The following HECW1 variants were observed in gnomAD, a reference collection of about 807,000 sequenced individuals.
The protein encoded by HECW1 is HECT, C2 and WW domain containing E3 ubiquitin protein ligase 1.
A neutral mutation model predicts 182.3 loss-of-function variants in HECW1; 61 were observed. That is an observed-to-expected ratio of 0.33 (90% CI 0.27 to 0.41). The LOEUF (loss-of-function observed/expected upper bound fraction) is 0.41, where lower values mean the gene tolerates loss of function less well. Among genes scored for constraint, HECW1 ranks in the 10% least tolerant of loss-of-function variants. The pLI is 1.00. For missense variants in HECW1, 1,739 were observed against 2,108.9 expected (o/e 0.82, Z 3.44); for synonymous variants, 859 against 832.6 (o/e 1.03, Z -0.55).
At chr7:43,479,842 G>T in intron 17 of HECW1, 98 bp downstream of exon 17, 1 of 1,446,996 alleles carries the variant, frequency 6.9e-7, no homozygotes, top group Non-Finnish European at 9.5e-7. Flanking sequence ...ATCTAGGGTT[G>T]CCTGCGCTGG....
chr7:43,317,550 A>C (rs1304461886), intron 4 of HECW1, among the ~76,000 whole-genome samples: 3 of 152,214 alleles, frequency 2.0e-5, no homozygotes, highest in Non-Finnish European at 4.4e-5. Context: ...GGATTTCTGC[A>C]GCTGACCCTG....
chr7:43,289,110 T>TC (rs965732688), intron 3 of HECW1, among the ~76,000 whole-genome samples: 2 of 150,980 alleles, frequency 1.3e-5, no homozygotes, highest in East Asian at 1.9e-4. Context: ...TCTTTTCTTT[T>TC]TTTTTTTTTT....
chr7:43,490,467 T>G (rs893203757), intron 17 of HECW1, among the ~76,000 whole-genome samples: 1 of 152,226 alleles, frequency 6.6e-6, no homozygotes, highest in African/African-American at 2.4e-5. Context: ...TAAAGCCTAT[T>G]TTAGCATACT....
chr7:43,501,183 C>CTTTTTTTTTTTTTTTTTTTTTTTTTT, intron 20 of HECW1, 30 bp from the exon 21 acceptor site: 1 of 744,856 alleles, frequency 1.3e-6, no homozygotes, highest in South Asian at 1.8e-5. Flanking sequence ...TCTTTTCTTT[C>CTTTTTTTTTTTTTTTTTTTTTTTTTT]TTTTTTTTTT....
intron 16 of HECW1, among the ~76,000 whole-genome samples, chr7:43,469,347 G>T (rs555253882): frequency 6.6e-6 from 1 of 152,170 alleles, no homozygotes; most frequent in South Asian, 2.1e-4. Flanking sequence ...GCTGCTAGAT[G>T]CCAACTGTTG....
intron 21 of HECW1, among the ~76,000 whole-genome samples, chr7:43,502,600 A>G (rs2079410766): frequency 6.6e-6 from 1 of 152,174 alleles, no homozygotes; most frequent in Non-Finnish European, 1.5e-5. Context: ...CAGAGGTTGC[A>G]GTGAACCGAG....
In HECW1 at chr7:43,355,062, G is replaced by T. The variant is rs374788708; in HGVS notation, c.461-5824G>T. 1.1e-4 allele frequency among the ~76,000 whole-genome samples: 17 copies of T among 149,094 alleles called. No homozygotes were observed. The South Asian group carries it at 1.9e-3, about 17-fold the overall frequency. ...AAAAAAACTGCCTCCCAGGAATTCC[G>T]TATCCAGCAAAGTTATCCTTCAAAT... On this transcript the variant is annotated intron_variant, in intron 5 of 29. Transcript: ENST00000395891.
chr7:43,450,687 A>AGCAAACT, intron 11 of HECW1, 141 bp from the exon 12 acceptor site: 2 of 623,472 alleles, frequency 3.2e-6, no homozygotes, highest in Admixed American at 5.5e-5. Context: ...CTGTGAATGT[A>AGCAAACT]GCAAACTGAC....
intron 11 of HECW1, among the ~76,000 whole-genome samples, chr7:43,447,179 T>G (rs1423759515): frequency 6.6e-6 from 1 of 151,898 alleles, no homozygotes; most frequent in Non-Finnish European, 1.5e-5. Flanking sequence ...TTTTTTTTTT[T>G]GTATTAAAAA....
chr7:43,209,359 G>T (rs1023818839), intron 2 of HECW1, among the ~76,000 whole-genome samples: 4 of 152,102 alleles, frequency 2.6e-5, no homozygotes, highest in African/African-American at 9.7e-5. Context: ...AGGGCCTGCG[G>T]GTGTGTGACA....
At chr7:43,371,748 T>G (rs2074112197) in intron 6 of HECW1, among the ~76,000 whole-genome samples, 1 of 152,358 alleles carries the variant, frequency 6.6e-6, no homozygotes, top group East Asian at 1.9e-4. Flanking sequence ...TGATACACTC[T>G]AACGGCAAAA....
In HECW1 at chr7:43,316,598, C is replaced by T. The variant is rs1043109867; in HGVS notation, c.353-4037C>T. On this transcript the variant is annotated intron_variant, in intron 4 of 29. Coordinates refer to ENST00000395891, the MANE Select transcript of HECW1 (RefSeq NM_015052.5). ...ACATAATAATGGTAGATGTAAGCTT[C>T]CTGCCTCAAAGGGGATGTAATATTG... Among the ~76,000 whole-genome samples the T allele has an allele frequency of 3.9e-5, 6 of 151,992 alleles. No individual in the cohort carries two copies. The South Asian group carries it at 8.3e-4, about 21-fold the overall frequency.
chr7:43,233,478 A>G (rs1369686706), intron 2 of HECW1, among the ~76,000 whole-genome samples: 1 of 152,204 alleles, frequency 6.6e-6, no homozygotes, highest in East Asian at 1.9e-4. Context: ...GTGGAAAAAT[A>G]TGTAATTGGA....
At chr7:43,175,536 A>G (rs1229121202) in intron 2 of HECW1, among the ~76,000 whole-genome samples, 1 of 152,194 alleles carries the variant, frequency 6.6e-6, no homozygotes, top group Non-Finnish European at 1.5e-5. Flanking sequence ...ATCAGTGCTG[A>G]CCGAGTTAGG....
chr7:43,450,005 A>G (rs893564305), intron 11 of HECW1, among the ~76,000 whole-genome samples: 1 of 152,182 alleles, frequency 6.6e-6, no homozygotes, highest in Non-Finnish European at 1.5e-5. Flanking sequence ...TTTTCTTTTA[A>G]TAATCTGAGG....
At chr7:43,130,525 C>T (rs1195136639) in intron 2 of HECW1, among the ~76,000 whole-genome samples, 1 of 152,092 alleles carries the variant, frequency 6.6e-6, no homozygotes, top group African/African-American at 2.4e-5. Context: ...TTGTATGCTA[C>T]AAAGAAAATG....
intron 4 of HECW1, among the ~76,000 whole-genome samples, chr7:43,319,393 C>CAAAAAAAAAAAAAAAA (rs529109893): frequency 4.3e-4 from 29 of 67,630 alleles, no homozygotes; most frequent in South Asian, 1.7e-3. Context: ...GACTCCGTCT[C>CAAAAAAAAAAAAAAAA]AAAAAAAAAA....
chr7:43,126,312 G>A (rs1014438415), intron 2 of HECW1, among the ~76,000 whole-genome samples: 8 of 151,962 alleles, frequency 5.3e-5, no homozygotes, highest in African/African-American at 1.7e-4. Context: ...CAACACCTTA[G>A]AAATGTTATT....
At chr7:43,283,560 A>G (rs534023596) in intron 3 of HECW1, among the ~76,000 whole-genome samples, 1 of 152,358 alleles carries the variant, frequency 6.6e-6, no homozygotes, top group East Asian at 1.9e-4. Flanking sequence ...TTCTAACATA[A>G]TAAATACTGA....
Sources: gnomAD v4.1 joint callset for allele counts (sites outside exome capture counted in the v4.1 genomes callset) on GRCh38, gnomAD v4.1.1 for gene constraint, MANE v1.5 for transcripts, NCBI Gene and HGNC (gene_info 2026-07-23, HGNC 2026-07-21) for gene names.